XIRP2: variants seen among roughly 807,000 people sequenced by gnomAD.
XIRP2 encodes xin actin-binding repeat-containing protein 2.
Under a neutral mutation model 277.0 loss-of-function variants are expected in XIRP2, and 236 were observed. The ratio of observed to expected loss-of-function variants is 0.85; its 90% CI spans 0.77 to 0.95. The LOEUF (loss-of-function observed/expected upper bound fraction) is 0.95, where lower values mean the gene tolerates loss of function less well. Among genes scored for constraint, XIRP2 ranks in the 40% least tolerant of loss-of-function variants. The pLI, the probability that XIRP2 is intolerant of heterozygous loss-of-function variation, is 0.00. For synonymous variants in XIRP2, 1,490 were observed against 1,416.5 expected, an observed-to-expected ratio of 1.05 and a Z score of -1.17; for missense variants, 4,640 against 4,157.5, an observed-to-expected ratio of 1.12 and a Z score of -3.19.
chr2:167,031,939 G>T (rs1194937387), intron 2 of XIRP2, among the ~76,000 whole-genome samples: 1 of 151,782 alleles, frequency 6.6e-6, no homozygotes, highest in Non-Finnish European at 1.5e-5. Flanking sequence ...TTTCAACCAA[G>T]TTGGGAAAAA....
At chr2:167,021,077 G>A (rs973592831) in intron 2 of XIRP2, among the ~76,000 whole-genome samples, 1 of 152,012 alleles carries the variant, frequency 6.6e-6, no homozygotes, top group Non-Finnish European at 1.5e-5. Context: ...AATAAATTGG[G>A]AGGATTATTA....
intron 2 of XIRP2, among the ~76,000 whole-genome samples, chr2:167,026,867 G>A (rs1355465442): frequency 3.3e-5 from 5 of 151,972 alleles, no homozygotes; most frequent in Admixed American, 6.6e-5. Flanking sequence ...AGTTTCTGCC[G>A]AGATCCGCTG....
intron 3 of XIRP2, chr2:167,187,592 G>A: frequency 2.1e-6 from 2 of 961,774 alleles, no homozygotes; most frequent in Non-Finnish European, 1.2e-6. Flanking sequence ...TGTTCTCACT[G>A]GTTACTTAAG....
chr2:167,096,224 G>T (rs10193726), intron 2 of XIRP2, among the ~76,000 whole-genome samples: 1 of 152,034 alleles, frequency 6.6e-6, no homozygotes, highest in Non-Finnish European at 1.5e-5. Flanking sequence ...CTCAATTTCA[G>T]AACTTGTTAT....
In XIRP2 at chr2:166,903,497, G is replaced by C; in HGVS notation, c.15G>C (p.Gln5His). 4 of 1,612,836 alleles carry C rather than the reference G, an allele frequency of 2.5e-6. No homozygotes were observed. The highest frequency in any genetic ancestry group is 3.4e-6 in the Non-Finnish European group (4 of 1,179,242). Residue 5 changes from glutamine to histidine, a missense_variant, in exon 2 of 11, where the codon CAG (glutamine) becomes CAC (histidine). Physicochemically the swap from Gln to His is conservative, Grantham distance 24. Transcript: ENST00000409195. MFPMQKGSLNLLRQK... is the reference protein window; with the variant it reads MFPMHKGSLNLLRQK... Reference sequence around the variant, plus strand: ...TGGACCCATCCATGTTCCCAATGCAGAAGGGCTCCCTCAACCTCCTGAGGC... The same window carrying C: ...TGGACCCATCCATGTTCCCAATGCACAAGGGCTCCCTCAACCTCCTGAGGC...
chr2:167,131,362 C>G (rs1691370989), intron 2 of XIRP2, among the ~76,000 whole-genome samples: 1 of 152,076 alleles, frequency 6.6e-6, no homozygotes, highest in Admixed American at 6.6e-5. Context: ...ATATGCAAAA[C>G]TCTTCCTTTA....
chr2:167,232,274 G>A (rs1023901835), intron 5 of XIRP2, among the ~76,000 whole-genome samples: 1 of 151,910 alleles, frequency 6.6e-6, no homozygotes, highest in African/African-American at 2.4e-5. Context: ...GAAAGACGAA[G>A]TGTAAATAAA....
intron 3 of XIRP2, among the ~76,000 whole-genome samples, chr2:167,194,329 C>T (rs1198206493): frequency 6.6e-6 from 1 of 152,152 alleles, no homozygotes; most frequent in Non-Finnish European, 1.5e-5. Context: ...TATCCACCTG[C>T]CTCAGCCTCC....
rs1693456690 is a variant in XIRP2 at position 167,194,881 on chromosome 2, G to A, written c.563-15854G>A. Among the ~76,000 whole-genome samples, 6 of 152,088 alleles carry A rather than the reference G, an allele frequency of 3.9e-5. No individual in the cohort carries two copies. The South Asian group carries it at 1.2e-3, about 32-fold the overall frequency. ...AGCATCAGTCCCTGGCACATAGTAA[G>A]TGCTGTATAAGCTTTTGTTATTAAT... On this transcript the variant is annotated intron_variant, in intron 3 of 10. Coordinates refer to ENST00000409195, the MANE Select transcript of XIRP2 (RefSeq NM_152381.6).
At chr2:167,086,058 C>T (rs1460314600) in intron 2 of XIRP2, among the ~76,000 whole-genome samples, 12 of 151,942 alleles carry the variant, frequency 7.9e-5, no homozygotes, top group Non-Finnish European at 1.5e-4. Flanking sequence ...TACATTTTGG[C>T]ATGATTTTGC....
At chr2:166,926,247 C>A (rs1558918431) in intron 2 of XIRP2, among the ~76,000 whole-genome samples, 1 of 151,980 alleles carries the variant, frequency 6.6e-6, no homozygotes, top group South Asian at 2.1e-4. Context: ...TCTCACATTT[C>A]TTTTAAAAAT....
chr2:167,217,162 T>A (rs1303930758), intron 4 of XIRP2, among the ~76,000 whole-genome samples: 1 of 147,114 alleles, frequency 6.8e-6, no homozygotes, highest in Non-Finnish European at 1.5e-5. Context: ...AGGGGTAGCA[T>A]TGGGAGATAT....
At position 167,207,689 on chromosome 2, in the gene XIRP2, G is replaced by T. The variant is rs1020003085; in HGVS notation, c.563-3046G>T. Among the ~76,000 whole-genome samples the T allele has an allele frequency of 5.9e-5, 9 of 152,154 alleles. No individual in the cohort carries two copies. The East Asian group carries it at 1.2e-3, about 20-fold the overall frequency. On this transcript the variant is annotated intron_variant, in intron 3 of 10. Transcript: ENST00000409195. ...ATATGTTTGAGGCTTGAGAAAAAAAGATCTCTAGTCACACAATTTCTCATG... is the reference window on the plus strand; with the variant it reads ...ATATGTTTGAGGCTTGAGAAAAAAATATCTCTAGTCACACAATTTCTCATG...
intron 3 of XIRP2, among the ~76,000 whole-genome samples, chr2:167,153,303 C>A (rs1314300532): frequency 6.6e-6 from 1 of 151,900 alleles, no homozygotes; most frequent in Non-Finnish European, 1.5e-5. Context: ...ACAAGTTATG[C>A]AACATTGAAA....
chr2:167,123,723 A>G (rs2105306838), intron 2 of XIRP2, among the ~76,000 whole-genome samples: 1 of 152,204 alleles, frequency 6.6e-6, no homozygotes. Context: ...TTCTTCTGAT[A>G]AGGAGGACCA....
chr2:167,113,470 T>A (rs1388133029), intron 2 of XIRP2, among the ~76,000 whole-genome samples: 1 of 152,212 alleles, frequency 6.6e-6, no homozygotes, highest in East Asian at 1.9e-4. Context: ...TTGTAACCCC[T>A]GCTTTTTTGT....
intron 2 of XIRP2, among the ~76,000 whole-genome samples, chr2:167,087,660 G>A (rs1301021686): frequency 6.6e-6 from 1 of 152,222 alleles, no homozygotes; most frequent in Admixed American, 6.5e-5. Flanking sequence ...CGTTTTTTAA[G>A]CCGGTCGGAA....
intron 2 of XIRP2, among the ~76,000 whole-genome samples, chr2:166,977,767 C>A (rs1001586580): frequency 2.6e-5 from 4 of 152,070 alleles, no homozygotes; most frequent in Admixed American, 6.5e-5. Context: ...CAGCTTACTG[C>A]CTGCAGAAAA....
chr2:167,054,827 A>G (rs758224234), intron 2 of XIRP2, among the ~76,000 whole-genome samples: 1 of 152,200 alleles, frequency 6.6e-6, no homozygotes. Flanking sequence ...TCTCATATTC[A>G]TGTACTCACA....
Sources: gnomAD v4.1 joint callset for allele counts (sites outside exome capture counted in the v4.1 genomes callset) on GRCh38, gnomAD v4.1.1 for gene constraint, MANE v1.5 for transcripts, NCBI Gene and HGNC (gene_info 2026-07-23, HGNC 2026-07-21) for gene names.